Variants in ADAMTS7 observed in about 807,000 individuals in gnomAD.
The protein encoded by ADAMTS7 is ADAM metallopeptidase with thrombospondin type 1 motif 7.
A neutral mutation model predicts 172.6 loss-of-function variants in ADAMTS7; 89 were observed. The ratio of observed to expected loss-of-function variants is 0.52; its 90% confidence interval spans 0.43 to 0.61. The LOEUF is 0.61. ADAMTS7 is among the 20% of genes least tolerant of loss of function. The probability of loss-of-function intolerance (pLI) is 0.00; values close to 1 mark genes in which losing one functional copy is unlikely to be tolerated. For synonymous variants in ADAMTS7, 885 were observed against 978.4 expected (o/e 0.90, Z 1.78); for missense variants, 1,973 against 2,355.6 (o/e 0.84, Z 3.36).
intron 1 of ADAMTS7, among the ~76,000 whole-genome samples, chr15:78,809,103 G>A (rs900307984): frequency 6.6e-6 from 1 of 152,114 alleles, no homozygotes; most frequent in Non-Finnish European, 1.5e-5. Context: ...AGTATGCACA[G>A]AAACACATGC....
intron 8 of ADAMTS7, 91 bp from the exon 9 acceptor site, chr15:78,777,679 A>G (rs960844359): frequency 2.7e-6 from 4 of 1,476,142 alleles, no homozygotes; most frequent in Non-Finnish European, 3.7e-6. Context: ...GAGAGGTGGG[A>G]GGGGGCACAG....
intron 11 of ADAMTS7, among the ~76,000 whole-genome samples, chr15:78,775,248 C>A (rs1482818085): frequency 6.6e-6 from 1 of 152,216 alleles, no homozygotes; most frequent in Non-Finnish European, 1.5e-5. Context: ...GTGGCAGTAC[C>A]CCCAGCCCGG....
rs768825105 is a variant in ADAMTS7 at position 78,764,061 on chromosome 15, G to A, written c.4458C>T (p.Asp1486=). Residue 1486 remains aspartate, a synonymous_variant, in exon 21 of 24, where the codon GAC becomes GAT. Transcript: ENST00000388820. ...GGTCCCGTGTGTCCACACACTGCAC[G>A]TCCCGCACTGAGGAACCTCCGCCGC... is the stretch of plus-strand genomic sequence containing the variant. ...RSCGGGSSVR[D]VQCVDTRDLR... The A allele has an allele frequency of 3.9e-6, 6 of 1,533,362 alleles. No individual in the cohort carries two copies. Among genetic ancestry groups the A allele is most frequent in the Admixed American group, 4.1e-5 (2 of 49,328 alleles). The allele number at this position is 1,533,362 out of a possible 1,614,324, so 95.0% of individuals were successfully genotyped here. A position where few individuals can be genotyped will look rare whatever the true frequency, so the allele number is the denominator to read the frequency against.
chr15:78,771,913 C>T lies in ADAMTS7; in HGVS notation c.2132-84G>A. 6.5e-7 allele frequency: 1 copy of T among 1,532,088 alleles called. No individual in the cohort carries two copies. The highest frequency in any genetic ancestry group is 8.8e-7 in the Non-Finnish European group (1 of 1,141,074). The allele number at this position is 1,532,088 out of a possible 1,614,324, so 94.9% of individuals were successfully genotyped here. On this transcript the variant is annotated intron_variant, in intron 14 of 23. Transcript: ENST00000388820. This position sits in a 1 kb window ranked among gnomAD's most constrained non-coding sequence, Gnocchi z 4.9. The stretch of plus-strand genomic sequence containing the variant: ...CCCGCTCCCCTCATGTCTCTCCCCA[C>T]TTGCCTCCGCCTGCTGATGCCAAAG...
chr15:78,799,048 A>G (rs1221865218), intron 2 of ADAMTS7, among the ~76,000 whole-genome samples: 1 of 148,246 alleles, frequency 6.7e-6, no homozygotes. Flanking sequence ...CCCCATGTGC[A>G]CAGCTGTGGC....
intron 5 of ADAMTS7, 73 bp from the exon 6 acceptor site, chr15:78,790,867 C>A: frequency 1.9e-6 from 3 of 1,591,304 alleles, no homozygotes; most frequent in Non-Finnish European, 8.6e-7. Context: ...CTCCCCCATA[C>A]GAAGGCAGGA....
rs756169701 is a variant in ADAMTS7, at chr15:78,773,067, C to A, written c.2131+16G>T. 6.8e-7 allele frequency: 1 copy of A among 1,462,392 alleles called. No homozygotes were observed. The highest frequency in any genetic ancestry group is 9.4e-7 in the Non-Finnish European group (1 of 1,066,354). 90.6% of individuals were successfully genotyped at this position (1,462,392 alleles called of 1,614,324 possible). ...GTGAAGAGCATACCCCTCCCCACAG[C>A]GGTCCCACCCCATACCCAGGCCCTC... is the stretch of plus-strand genomic sequence containing the variant. On this transcript the variant is annotated intron_variant, in intron 14 of 23. Coordinates refer to ENST00000388820, the MANE Select transcript of ADAMTS7 (RefSeq NM_014272.5).
intron 23 of ADAMTS7, among the ~76,000 whole-genome samples, chr15:78,760,154 T>C (rs1473383173): frequency 6.6e-6 from 1 of 151,888 alleles, no homozygotes; most frequent in Non-Finnish European, 1.5e-5. Flanking sequence ...CTAGAGTGAG[T>C]GGGCCTTACA....
At chr15:78,790,348 C>T (rs577494482) in intron 6 of ADAMTS7, among the ~76,000 whole-genome samples, 3 of 152,272 alleles carry the variant, frequency 2.0e-5, no homozygotes, top group Non-Finnish European at 4.4e-5. Flanking sequence ...CTGAGTAAGT[C>T]TGTGGATGGT....
chr15:78,782,070 C>T (rs1421542842), intron 8 of ADAMTS7, among the ~76,000 whole-genome samples: 1 of 151,818 alleles, frequency 6.6e-6, no homozygotes, highest in East Asian at 1.9e-4. Context: ...CTTGCCCTGT[C>T]GCCCAAGCTG....
At chr15:78,761,742 T>C (rs12898323) in intron 23 of ADAMTS7, among the ~76,000 whole-genome samples, 43,929 of 151,610 alleles carry the variant, frequency 0.29, 7,881 homozygotes, top group Non-Finnish European at 0.42. Flanking sequence ...GTGTGTGTGT[T>C]GGCGTGTGTG....
Position 78,767,359 on chromosome 15 carries a change from C to T in ADAMTS7, c.2859+20G>A, listed in dbSNP as rs1462220240. On this transcript the variant is annotated intron_variant, in intron 18 of 23. Transcript: ENST00000388820. ...CCAAGGGTGGAGCTGGAGGCGGGCC[C>T]CTTCCCATCCCACACTCACCTGAGA... 1.9e-6 allele frequency: 3 copies of T among 1,610,790 alleles called. No homozygotes were observed. The highest frequency in any genetic ancestry group is 2.2e-5 in the South Asian group (2 of 90,800).
intron 1 of ADAMTS7, among the ~76,000 whole-genome samples, chr15:78,809,942 CCTCTGCG>C (rs1164370104): frequency 6.6e-6 from 1 of 152,264 alleles, no homozygotes; most frequent in African/African-American, 2.4e-5. Flanking sequence ...ATGTTCGCTC[CCTCTGCG>C]CTCTGCGCAT....
Position 78,760,302 on chromosome 15 carries a change from T to C in ADAMTS7, c.4904-724A>G, listed in dbSNP as rs143429785. On this transcript the variant is annotated intron_variant, in intron 23 of 23. Coordinates refer to ENST00000388820, the MANE Select transcript of ADAMTS7 (RefSeq NM_014272.5). ...AGAGCTATTTTGGGAAGTGGCTTGT[T>C]TCCAGCCTCCTGGCCTTGCTCCTGA... Among the ~76,000 whole-genome samples, 883 of 152,054 alleles carry C rather than the reference T, an allele frequency of 5.8e-3. 7 individuals carry two copies. Among genetic ancestry groups the C allele is most frequent in the South Asian group, 8.3e-3 (40 of 4,804 alleles).
Position 78,788,280 on chromosome 15 carries a change from G to A in ADAMTS7, c.1273C>T (p.Pro425Ser). ...CGGCTGCAGCGGGACCAGGTGAGGGGAGCGGCGTCGTACAGGAGCTGTGGA... is the reference window on the plus strand; with the variant it reads ...CGGCTGCAGCGGGACCAGGTGAGGGAAGCGGCGTCGTACAGGAGCTGTGGA... Reference protein sequence around the residue: ...MSPQLLYDAAPLTWSRCSRQY... With the variant: ...MSPQLLYDAASLTWSRCSRQY... Residue 425 changes from proline (P) to serine (S), a missense_variant, in exon 8 of 24, where the codon CCC becomes TCC. Around this residue, in one of 8 missense-constraint regions of ADAMTS7, gnomAD observed 526 missense variants for 662.9 expected, o/e 0.79. Transcript: ENST00000388820. 6.2e-7 allele frequency: 1 copy of A among 1,613,816 alleles called. No individual in the cohort carries two copies. The highest frequency in any genetic ancestry group is 2.2e-5 in the East Asian group (1 of 44,886).
chr15:78,767,353 C>T (rs116901435), intron 18 of ADAMTS7, 26 bp downstream of exon 18: 628,288 of 1,605,618 alleles, frequency 0.39, 128,249 homozygotes, highest in Non-Finnish European at 0.43. Flanking sequence ...GAGCTGGAGG[C>T]GGGCCCCTTC....
chr15:78,766,178 G>C lies in ADAMTS7; in HGVS notation c.3733C>G (p.Pro1245Ala). 3.7e-6 allele frequency: 6 copies of C among 1,611,658 alleles called. No individual in the cohort carries two copies. Among genetic ancestry groups the C allele is most frequent in the Non-Finnish European group, 5.1e-6 (6 of 1,179,786 alleles). ...GGAGAGGAGTGGGTGCTGCCAACAGGGGACAAAGGGGGCAGCGTGGAGCTG... is the reference window on the plus strand; with the variant it reads ...GGAGAGGAGTGGGTGCTGCCAACAGCGGACAAAGGGGGCAGCGTGGAGCTG... ...RPSSTLPPLS[P>A]VGSTHSSPSP... The change falls in exon 19 of 24, where the codon CCT becomes GCT. Residue 1245 changes from proline to alanine, a missense_variant. Coordinates refer to ENST00000388820, the MANE Select transcript of ADAMTS7 (RefSeq NM_014272.5).
chr15:78,797,113 G>A (rs534210739), intron 3 of ADAMTS7, among the ~76,000 whole-genome samples: 1 of 152,206 alleles, frequency 6.6e-6, no homozygotes, highest in Non-Finnish European at 1.5e-5. Flanking sequence ...GCCTGACAAA[G>A]CTGGCAACTG....
intron 13 of ADAMTS7, among the ~76,000 whole-genome samples, chr15:78,773,906 C>T (rs1348619057): frequency 6.6e-6 from 1 of 152,132 alleles, no homozygotes; most frequent in African/African-American, 2.4e-5. Context: ...CGCAGGGGGG[C>T]GAGGCCTGAC....
Sources: allele counts gnomAD v4.1 joint callset (sites outside exome capture counted in the v4.1 genomes callset), GRCh38; gene constraint gnomAD v4.1.1; regional missense constraint gnomAD v4.1.1; non-coding constraint Gnocchi (gnomAD v3.1); transcripts MANE v1.5; gene names NCBI Gene and HGNC (gene_info 2026-07-23, HGNC 2026-07-21).